Variants in ATP10B observed in about 807,000 individuals in gnomAD.
The protein encoded by ATP10B is phospholipid-transporting ATPase VB.
In ATP10B, 122 loss-of-function variants were observed where a neutral mutation model predicts 141.2. The observed-to-expected ratio is 0.86, with a 90% CI of 0.75 to 1.00. The LOEUF (loss-of-function observed/expected upper bound fraction) is 1.00, where lower values mean the gene tolerates loss of function less well. Among genes scored for constraint, ATP10B ranks in the 50% least tolerant of loss-of-function variants. The pLI is 0.00. For missense variants in ATP10B, 1,876 were observed against 1,825.3 expected, an observed-to-expected ratio of 1.03 and a Z score of -0.51; for synonymous variants, 685 against 692.0, an observed-to-expected ratio of 0.99 and a Z score of 0.16.
At chr5:160,590,077 G>C (rs1756182992) in intron 23 of ATP10B, among the ~76,000 whole-genome samples, 1 of 152,100 alleles carries the variant, frequency 6.6e-6, no homozygotes. Context: ...TATAATAGAG[G>C]CAAGTACAAG....
rs543765122 is a variant in ATP10B at position 160,727,009 on chromosome 5, ATAT to A, written c.-330-9978_-330-9976del. Among the ~76,000 whole-genome samples, 240 of 152,130 alleles carry A rather than the reference ATAT, an allele frequency of 1.6e-3. 1 individual carries two copies. The highest frequency in any genetic ancestry group is 5.4e-3 in the African/African-American group (224 of 41,504). On this transcript the variant is annotated intron_variant, in intron 2 of 25. Transcript: ENST00000327245. ...GAAGGAACTAAGGTACTTCTTACAT[ATAT>A]TGATTGATGTCTCAGCTCTCCCAAA...
intron 16 of ATP10B, among the ~76,000 whole-genome samples, chr5:160,617,349 A>G (rs1177669946): frequency 6.7e-6 from 1 of 148,150 alleles, no homozygotes; most frequent in Non-Finnish European, 1.5e-5. Flanking sequence ...GGAGAGGTAG[A>G]GAGTGGTAGG....
At chr5:160,706,230 C>T (rs1052887038) in intron 3 of ATP10B, among the ~76,000 whole-genome samples, 1 of 152,170 alleles carries the variant, frequency 6.6e-6, no homozygotes, top group African/African-American at 2.4e-5. Flanking sequence ...GACCCAGAGA[C>T]ACAAAACCAG....
intron 6 of ATP10B, among the ~76,000 whole-genome samples, chr5:160,677,763 TA>T (rs1436604668): frequency 6.6e-6 from 1 of 152,214 alleles, no homozygotes; most frequent in African/African-American, 2.4e-5. Flanking sequence ...CCCCAGAATA[TA>T]CTTTTAGGGC....
At chr5:160,820,734 A>G (rs999482181) in intron 1 of ATP10B, among the ~76,000 whole-genome samples, 1 of 152,170 alleles carries the variant, frequency 6.6e-6, no homozygotes, top group South Asian at 2.1e-4. Context: ...AGGATGGTTC[A>G]ACATATGCAA....
At chr5:160,872,732 A>G in the ATP10B span, among the ~76,000 whole-genome samples, 17 of 152,298 alleles carry the variant, frequency 1.1e-4, no homozygotes, top group African/African-American at 3.4e-4. Context: ...CCATTGGCCT[A>G]TGTGCCTATT....
At chr5:160,909,942 A>G in the ATP10B span, among the ~76,000 whole-genome samples, 2 of 152,102 alleles carry the variant, frequency 1.3e-5, no homozygotes, top group Admixed American at 1.3e-4. Flanking sequence ...AATTTCCAAA[A>G]CCATGGAGTG....
chr5:160,858,825 G>C, the ATP10B span, among the ~76,000 whole-genome samples: 2 of 151,610 alleles, frequency 1.3e-5, no homozygotes, highest in Admixed American at 1.3e-4. Flanking sequence ...TTACCAGTTT[G>C]AGTGACATAT....
At chr5:160,858,640 AT>A in the ATP10B span, among the ~76,000 whole-genome samples, 1 of 151,720 alleles carries the variant, frequency 6.6e-6, no homozygotes, top group Non-Finnish European at 1.5e-5. Flanking sequence ...TAAGATTACC[AT>A]TTTGTCTTTT....
intron 1 of ATP10B, among the ~76,000 whole-genome samples, chr5:160,829,490 T>C (rs979035579): frequency 1.3e-5 from 2 of 152,174 alleles, no homozygotes; most frequent in African/African-American, 4.8e-5. Flanking sequence ...TTTTCCTAAT[T>C]CTGTGAAGAG....
chr5:160,727,341 A>G (rs559298673), intron 2 of ATP10B, among the ~76,000 whole-genome samples: 1 of 152,356 alleles, frequency 6.6e-6, no homozygotes, highest in South Asian at 2.1e-4. Context: ...CCACACAGGT[A>G]TAAGTGGTAC....
intron 3 of ATP10B, among the ~76,000 whole-genome samples, chr5:160,706,930 T>C (rs1765052149): frequency 6.6e-6 from 1 of 151,420 alleles, no homozygotes; most frequent in Admixed American, 6.6e-5. Flanking sequence ...TTGTGGACTG[T>C]TGGTTTGTTT....
intron 2 of ATP10B, among the ~76,000 whole-genome samples, chr5:160,746,278 T>C (rs762123983): frequency 2.3e-4 from 35 of 152,202 alleles, no homozygotes; most frequent in Non-Finnish European, 1.3e-4. Flanking sequence ...GTGGGGGTTA[T>C]ATATGAGGAG....
rs369394454 is a variant in ATP10B at position 160,617,859 on chromosome 5, C to T, written c.2526+5G>A. On this transcript the variant is annotated splice_donor_5th_base_variant and intron_variant, in intron 16 of 25. Transcript: ENST00000327245. Reference sequence around the variant, plus strand: ...TCAAAGCACGCTTGGAGGAATTGTTCTTACCTTCTTGGCAATGCATAGTGT... The same window carrying T: ...TCAAAGCACGCTTGGAGGAATTGTTTTTACCTTCTTGGCAATGCATAGTGT... The T allele has an allele frequency of 1.9e-6, 3 of 1,611,338 alleles. No individual in the cohort carries two copies. Among genetic ancestry groups the T allele is most frequent in the Non-Finnish European group, 2.5e-6 (3 of 1,177,444 alleles).
intron 22 of ATP10B, among the ~76,000 whole-genome samples, chr5:160,594,782 G>C (rs553802594): frequency 6.6e-6 from 1 of 151,890 alleles, no homozygotes; most frequent in Non-Finnish European, 1.5e-5. Flanking sequence ...AAGATCAAAA[G>C]AGACAAAGAA....
chr5:160,656,838 C>T (rs1356144400), intron 7 of ATP10B, among the ~76,000 whole-genome samples: 1 of 152,082 alleles, frequency 6.6e-6, no homozygotes, highest in Non-Finnish European at 1.5e-5. Flanking sequence ...GAAAGGGAAA[C>T]CAACAAAACT....
intron 1 of ATP10B, among the ~76,000 whole-genome samples, chr5:160,806,113 G>A (rs145472677): frequency 2.0e-5 from 3 of 152,246 alleles, no homozygotes; most frequent in East Asian, 3.9e-4. Context: ...ACCCACACTG[G>A]GGACAGCCAT....
At chr5:160,583,472 G>A (rs550977326) in intron 24 of ATP10B, among the ~76,000 whole-genome samples, 3 of 152,330 alleles carry the variant, frequency 2.0e-5, no homozygotes, top group East Asian at 3.9e-4. Context: ...CCCACCAGAT[G>A]CCAGCCAGAA....
intron 2 of ATP10B, among the ~76,000 whole-genome samples, chr5:160,763,471 A>G (rs1769187639): frequency 2.6e-5 from 4 of 152,202 alleles, no homozygotes; most frequent in Admixed American, 2.6e-4. Context: ...CATTGGGTCA[A>G]CAACGAAATT....
Sources: allele counts gnomAD v4.1 joint callset (sites outside exome capture counted in the v4.1 genomes callset), GRCh38; gene constraint gnomAD v4.1.1; transcripts MANE v1.5; gene names NCBI Gene and HGNC (gene_info 2026-07-23, HGNC 2026-07-21).